The following PCLO variants were observed in gnomAD, a reference collection of about 807,000 sequenced individuals.
The protein encoded by PCLO is protein piccolo.
In PCLO, 82 loss-of-function variants were observed where a neutral mutation model predicts 427.5. That is an observed-to-expected ratio of 0.19 (90% CI 0.16 to 0.23). PCLO has a LOEUF of 0.23. Among genes scored for constraint, PCLO ranks in the 10% least tolerant of loss-of-function variants. The pLI is 1.00. For missense variants in PCLO, 6,239 were observed against 6,115.9 expected, an observed-to-expected ratio of 1.02 and a Z score of -0.67; for synonymous variants, 2,357 against 2,155.4, an observed-to-expected ratio of 1.09 and a Z score of -2.59.
intron 10 of PCLO, among the ~76,000 whole-genome samples, chr7:82,864,262 A>G (rs1216417343): frequency 6.6e-6 from 1 of 152,164 alleles, no homozygotes; most frequent in African/African-American, 2.4e-5. Context: ...GTAAGTGCCA[A>G]AGAGAATACT....
At chr7:82,760,920 C>T (rs1583944464) in intron 23 of PCLO, 136 bp from the exon 24 acceptor site, 1 of 178,300 alleles carries the variant, frequency 5.6e-6, no homozygotes, top group Non-Finnish European at 1.2e-5. Context: ...TTTCAGATAA[C>T]ATAAAATGAT....
chr7:82,862,224 A>G (rs1792975513), intron 10 of PCLO, among the ~76,000 whole-genome samples: 1 of 152,082 alleles, frequency 6.6e-6, no homozygotes, highest in Admixed American at 6.6e-5. Context: ...ATCATCAGAG[A>G]AATGAAAATC....
In PCLO at chr7:82,845,498, G is replaced by A. The variant is rs1213259325; in HGVS notation, c.13832-13C>T. On this transcript the variant is annotated splice_polypyrimidine_tract_variant and intron_variant, in intron 12 of 24. Transcript: ENST00000333891. ...TTCGCCTTATCCACTACAACAAAAT[G>A]AAAGAGATTTACATACTTCTCCATT... is the stretch of plus-strand genomic sequence containing the variant. The A allele has an allele frequency of 1.3e-6, 2 of 1,575,182 alleles. No individual in the cohort carries two copies. The highest frequency in any genetic ancestry group is 1.3e-5 in the African/African-American group (1 of 74,254).
chr7:82,906,052 TAGGTACAC>T (rs1337350918), intron 8 of PCLO, among the ~76,000 whole-genome samples: 1 of 148,988 alleles, frequency 6.7e-6, no homozygotes, highest in African/African-American at 2.6e-5. Context: ...GATAGATAGA[TAGGTACAC>T]ACACACACAT....
chr7:83,037,105 A>G (rs1011294478), intron 3 of PCLO, among the ~76,000 whole-genome samples: 12 of 152,130 alleles, frequency 7.9e-5, no homozygotes, highest in Admixed American at 3.9e-4. Flanking sequence ...ATGAAGAAAT[A>G]CTGCTTATTA....
chr7:83,050,227 A>AAAAAAACAAAAAAAAAAAAAAAAAAAC (rs1583957588), intron 3 of PCLO, among the ~76,000 whole-genome samples: 1 of 85,620 alleles, frequency 1.2e-5, no homozygotes, highest in Non-Finnish European at 2.7e-5. Flanking sequence ...AAAAAAAAAA[A>AAAAAAACAAAAAAAAAAAAAAAAAAAC]AAAAAAAAAA....
intron 1 of PCLO, among the ~76,000 whole-genome samples, chr7:83,159,299 C>G (rs1792376250): frequency 6.6e-6 from 1 of 152,042 alleles, no homozygotes; most frequent in Non-Finnish European, 1.5e-5. Flanking sequence ...TAGGAAGAAG[C>G]CCAGTAGGGA....
At position 82,947,309 on chromosome 7, in the gene PCLO, TA is replaced by T. The variant is rs1009616221; in HGVS notation, c.11112+2166del. ...TTGTTTCAGTGCCTACTGAGTGGTGTAAGTTTTTTAAATCTTACTGGTCTGT... is the reference window on the plus strand; with the variant it reads ...TTGTTTCAGTGCCTACTGAGTGGTGTAGTTTTTTAAATCTTACTGGTCTGT... On this transcript the variant is annotated intron_variant, in intron 6 of 24. Transcript: ENST00000333891. Among the ~76,000 whole-genome samples, 29 of 152,286 alleles carry T rather than the reference TA, an allele frequency of 1.9e-4. 1 individual carries two copies. The highest frequency in any genetic ancestry group is 1.4e-3 in the South Asian group (7 of 4,828).
At chr7:82,821,817 T>C (rs1791799211) in intron 20 of PCLO, 26 of 982,188 alleles carry the variant, frequency 2.6e-5, no homozygotes, top group Admixed American at 6.1e-5. Context: ...TTATCACATA[T>C]GCTTATACAT....
At chr7:83,040,991 A>G (rs1230248649) in intron 3 of PCLO, among the ~76,000 whole-genome samples, 1 of 152,220 alleles carries the variant, frequency 6.6e-6, no homozygotes, top group Admixed American at 6.5e-5. Flanking sequence ...TGAGAATACT[A>G]CTTAATCAGG....
intron 3 of PCLO, among the ~76,000 whole-genome samples, chr7:83,007,867 T>A (rs1441132517): frequency 4.0e-5 from 6 of 150,898 alleles, no homozygotes. Context: ...ATCTATGTAG[T>A]GTACTTAACA....
intron 20 of PCLO, among the ~76,000 whole-genome samples, chr7:82,810,533 T>C (rs1389184484): frequency 6.6e-6 from 1 of 151,800 alleles, no homozygotes; most frequent in South Asian, 2.1e-4. Flanking sequence ...TCCTGTGCCC[T>C]AAAAGAATAA....
intron 3 of PCLO, among the ~76,000 whole-genome samples, chr7:83,121,128 AAAAC>A (rs538647087): frequency 1.9e-3 from 273 of 142,920 alleles, no homozygotes; most frequent in Non-Finnish European, 2.8e-3. Flanking sequence ...TAAAAATACA[AAAAC>A]AAACAAACAA....
In PCLO at chr7:83,155,850, G is replaced by A; in HGVS notation, c.791C>T (p.Thr264Ile). The change falls in exon 2 of 25, where the codon ACT becomes ATT. Residue 264 changes from threonine to isoleucine, a missense_variant. Thr to Ile is a moderately conservative substitution (Grantham distance 89, BLOSUM62 -1). Transcript: ENST00000333891. ...TGKPIQGPTQ[T>I]PQTDHAKLPL... is the part of the protein sequence containing the mutation. ...CAATTTTGCATGGTCTGTCTGAGGA[G>A]TCTGGGTAGGACCCTGAATTGGCTT... The A allele has an allele frequency of 1.2e-5, 20 of 1,613,976 alleles. No homozygotes were observed. Among genetic ancestry groups the A allele is most frequent in the Middle Eastern group, 1.6e-4 (1 of 6,062 alleles).
At chr7:82,829,163 G>A (rs575107125) in intron 16 of PCLO, among the ~76,000 whole-genome samples, 1 of 152,172 alleles carries the variant, frequency 6.6e-6, no homozygotes, top group South Asian at 2.1e-4. Flanking sequence ...TTAAAGATGG[G>A]CCTGCAGGCA....
intron 10 of PCLO, among the ~76,000 whole-genome samples, chr7:82,853,975 T>C (rs1792734439): frequency 6.6e-6 from 1 of 152,166 alleles, no homozygotes; most frequent in Non-Finnish European, 1.5e-5. Context: ...ATATAAGAAA[T>C]TTAAAAAATA....
intron 3 of PCLO, among the ~76,000 whole-genome samples, chr7:83,068,689 T>C (rs1445686845): frequency 2.0e-5 from 3 of 152,184 alleles, no homozygotes; most frequent in African/African-American, 7.2e-5. Context: ...TGTAAATTAG[T>C]ACAGCTATTA....
At chr7:82,835,613 G>A in intron 16 of PCLO, 54 bp downstream of exon 16, 1 of 1,460,150 alleles carries the variant, frequency 6.8e-7, no homozygotes, top group South Asian at 1.2e-5. Context: ...AATGCCAAAA[G>A]TATAATTCAA....
intron 22 of PCLO, among the ~76,000 whole-genome samples, chr7:82,777,953 C>A (rs1234158071): frequency 6.6e-6 from 1 of 151,962 alleles, no homozygotes; most frequent in African/African-American, 2.4e-5. Context: ...TCTAAAGAAA[C>A]TATCAAGAGA....
Sources: allele counts gnomAD v4.1 joint callset (sites outside exome capture counted in the v4.1 genomes callset), GRCh38; gene constraint gnomAD v4.1.1; transcripts MANE v1.5; gene names NCBI Gene and HGNC (gene_info 2026-07-23, HGNC 2026-07-21).